MTTP: variants seen among roughly 807,000 people sequenced by gnomAD.
MTTP encodes microsomal triglyceride transfer protein, also known as microsomal triglyceride transfer protein large subunit.
Under a neutral mutation model 90.6 loss-of-function variants are expected in MTTP, and 49 were observed. The observed-to-expected ratio is 0.54, with a 90% CI of 0.43 to 0.69. The LOEUF is 0.69. Among genes scored for constraint, MTTP ranks in the 30% least tolerant of loss-of-function variants. The probability of loss-of-function intolerance (pLI) is 0.00; values close to 1 mark genes in which losing one functional copy is unlikely to be tolerated. For missense variants in MTTP, 945 were observed against 1,067.5 expected (o/e 0.89, Z 1.60); for synonymous variants, 347 against 384.2 (o/e 0.90, Z 1.13).
chr4:99,604,974 A>C (rs949925597), intron 10 of MTTP, among the ~76,000 whole-genome samples: 1 of 152,184 alleles, frequency 6.6e-6, no homozygotes, highest in Non-Finnish European at 1.5e-5. Context: ...TCTATGCTCA[A>C]AAGTTACTTG....
At chr4:99,612,886 C>A in intron 14 of MTTP, 27 bp from the exon 15 acceptor site, 1 of 1,595,746 alleles carries the variant, frequency 6.3e-7, no homozygotes, top group Non-Finnish European at 8.6e-7. Flanking sequence ...GAGCTTGCGT[C>A]ATGAACATTA....
Position 99,600,728 on chromosome 4 carries a change from C to G in MTTP, c.1231C>G (p.Leu411Val). Residue 411 changes from leucine to valine, a missense_variant, in exon 9 of 18, where the codon CTC becomes GTC. By Grantham distance (32) the Leu-to-Val change is conservative. Coordinates refer to ENST00000265517, the MANE Select transcript of MTTP (RefSeq NM_001386140.1). ...TCCCAATGAAGAACTCCTGAGAGCC[C>G]TCATTGTAAGTCAAATAGAAAATAA... Reference protein sequence around the residue: ...SHPNEELLRALISKFKGSIGS... With the variant: ...SHPNEELLRAVISKFKGSIGS... The G allele has an allele frequency of 6.2e-7, 1 of 1,613,410 alleles. No homozygotes were observed. The highest frequency in any genetic ancestry group is 1.3e-5 in the African/African-American group (1 of 74,970).
chr4:99,583,546 T>C, intron 3 of MTTP, 29 bp downstream of exon 3: 1 of 1,613,046 alleles, frequency 6.2e-7, no homozygotes, highest in South Asian at 1.1e-5. Flanking sequence ...TCCACAACTT[T>C]TTCTCCAACT....
chr4:99,569,435 A>G (rs1185830417), intron 1 of MTTP, among the ~76,000 whole-genome samples: 2 of 150,608 alleles, frequency 1.3e-5, no homozygotes, highest in East Asian at 2.0e-4. Context: ...TTAGTTAATA[A>G]TATATTAATA....
chr4:99,571,796 A>T (rs1272722812), upstream of MTTP, among the ~76,000 whole-genome samples: 1 of 151,958 alleles, frequency 6.6e-6, no homozygotes. Flanking sequence ...TTTTTTCAAG[A>T]TTCTTTCAAA....
chr4:99,620,414 C>T (rs182229265), intron 16 of MTTP, among the ~76,000 whole-genome samples: 9 of 152,322 alleles, frequency 5.9e-5, no homozygotes, highest in Non-Finnish European at 1.2e-4. Flanking sequence ...TTATCCAGGG[C>T]ACATTCCCCA....
upstream of MTTP, among the ~76,000 whole-genome samples, chr4:99,570,450 CT>C (rs1268254501): frequency 6.6e-6 from 1 of 151,908 alleles, no homozygotes; most frequent in Non-Finnish European, 1.5e-5. Flanking sequence ...CTCTCTCTCT[CT>C]GATATTCTGC....
Position 99,611,344 on chromosome 4 carries a change from C to T in MTTP, c.1880C>T (p.Ser627Leu), listed in dbSNP as rs142200287. Residue 627 changes from serine to leucine, a missense_variant, in exon 14 of 18, where the codon TCG (serine) becomes TTG (leucine). By Grantham distance (145) the Ser-to-Leu change is moderately radical. Coordinates refer to ENST00000265517, the MANE Select transcript of MTTP (RefSeq NM_001386140.1). ...YTGYIERSPR[S>L]ASTYSLDILY... Reference sequence around the variant, plus strand: ...TGTGTGTCATCAGGTAGTCCCCGTTCGGCATCTACTTACAGCCTAGACATT... The same window carrying T: ...TGTGTGTCATCAGGTAGTCCCCGTTTGGCATCTACTTACAGCCTAGACATT... 3.1e-6 allele frequency: 5 copies of T among 1,613,882 alleles called. No individual in the cohort carries two copies. Among genetic ancestry groups the T allele is most frequent in the Admixed American group, 1.7e-5 (1 of 59,982 alleles).
chr4:99,609,801 G>A (rs940087541), intron 12 of MTTP, among the ~76,000 whole-genome samples: 1 of 152,214 alleles, frequency 6.6e-6, no homozygotes, highest in African/African-American at 2.4e-5. Flanking sequence ...ATTCAGGAAA[G>A]AGCAATGGAG....
At chr4:99,607,146 A>G (rs1725838243) in intron 11 of MTTP, among the ~76,000 whole-genome samples, 186 bp downstream of exon 11, 2 of 122,394 alleles carry the variant, frequency 1.6e-5, no homozygotes, top group Non-Finnish European at 3.8e-5. Context: ...GTAACGTCCT[A>G]TATCTATATC....
chr4:99,565,142 C>T (rs1724641869), intron 1 of MTTP, among the ~76,000 whole-genome samples: 1 of 152,148 alleles, frequency 6.6e-6, no homozygotes. Flanking sequence ...ATATGTAGCC[C>T]TTCACATGTA....
intron 10 of MTTP, among the ~76,000 whole-genome samples, chr4:99,605,657 G>C (rs142993446): frequency 2.6e-5 from 4 of 152,022 alleles, no homozygotes; most frequent in African/African-American, 7.2e-5. Context: ...ACCATTTTAG[G>C]CTTTCATCAG....
chr4:99,564,207 C>T, exon 1 of MTTP: 1 of 1,535,444 alleles, frequency 6.5e-7, no homozygotes, highest in Non-Finnish European at 8.7e-7. Context: ...TAAGTGTGTA[C>T]CTGCAGACGT....
Position 99,606,867 on chromosome 4 carries a change from T to C in MTTP, c.1464T>C (p.Ser488=). Residue 488 remains serine, a synonymous_variant, in exon 11 of 18, where the codon AGT becomes AGC. Coordinates refer to ENST00000265517, the MANE Select transcript of MTTP (RefSeq NM_001386140.1). ...CCCTGCTTCCAGAAGGCATCCCAAG[T>C]CTTCTGAAGTATGCAGAAGCAGGAG... The part of the protein sequence containing the change: ...KNALLPEGIP[S]LLKYAEAGEG... 1 of 1,614,076 alleles carries C rather than the reference T, an allele frequency of 6.2e-7. No individual in the cohort carries two copies. Among genetic ancestry groups the C allele is most frequent in the Non-Finnish European group, 8.5e-7 (1 of 1,179,976 alleles).
At chr4:99,587,658 G>A (rs1372430280) in intron 3 of MTTP, among the ~76,000 whole-genome samples, 1 of 152,128 alleles carries the variant, frequency 6.6e-6, no homozygotes. Context: ...TTCCCACTTA[G>A]GAGATCTTGC....
rs371904101 is a variant in MTTP at position 99,575,035 on chromosome 4, C to T, written c.61+65C>T. The T allele has an allele frequency of 6.6e-5, 100 of 1,521,280 alleles. 1 individual carries two copies. The African/African-American group carries it at 9.7e-4, about 15-fold the overall frequency. The allele number at this position is 1,521,280 out of a possible 1,614,324, so 94.2% of individuals were successfully genotyped here. A position where few individuals can be genotyped will look rare whatever the true frequency, so the allele number is the denominator to read the frequency against. On this transcript the variant is annotated intron_variant, in intron 1 of 17. Transcript: ENST00000265517. Reference sequence around the variant, plus strand: ...CTTTGGAGTTGGAGGCAGATACGTGCGTGTGTGTGTGTTTGTGTGAGTGAA... The same window carrying T: ...CTTTGGAGTTGGAGGCAGATACGTGTGTGTGTGTGTGTTTGTGTGAGTGAA...
At chr4:99,564,266 G>A (rs1426775689) in intron 1 of MTTP, 1 of 1,527,402 alleles carries the variant, frequency 6.5e-7, no homozygotes, top group African/African-American at 1.4e-5. Flanking sequence ...AATTAAGATA[G>A]TCCCACTGTT....
intron 2 of MTTP, 150 bp from the exon 3 acceptor site, chr4:99,583,224 G>A: frequency 1.1e-6 from 1 of 871,004 alleles, no homozygotes; most frequent in Non-Finnish European, 1.8e-6. Context: ...TTTAAAGTGA[G>A]TGGCAAGGTC....
At position 99,590,449 on chromosome 4, in the gene MTTP, C is replaced by T. The variant is rs186402962; in HGVS notation, c.501+699C>T. 1.4e-4 allele frequency among the ~76,000 whole-genome samples: 22 copies of T among 152,242 alleles called. No homozygotes were observed. In the East Asian group the frequency reaches 2.1e-3, roughly 15 times the overall value. The stretch of plus-strand genomic sequence containing the variant: ...TTGGATGCATTGTCAATGTAGGGAA[C>T]CACTGGTCTATACCAACACTGTTCA... On this transcript the variant is annotated intron_variant, in intron 4 of 17. Coordinates refer to ENST00000265517, the MANE Select transcript of MTTP (RefSeq NM_001386140.1).
Sources: allele counts gnomAD v4.1 joint callset (sites outside exome capture counted in the v4.1 genomes callset), GRCh38; gene constraint gnomAD v4.1.1; transcripts MANE v1.5; gene names NCBI Gene and HGNC (gene_info 2026-07-23, HGNC 2026-07-21).